Variants in KIF26B observed in about 807,000 individuals in gnomAD.
KIF26B encodes kinesin family member 26B.
Under a neutral mutation model 151.2 loss-of-function variants are expected in KIF26B, and 63 were observed. The ratio of observed to expected loss-of-function variants is 0.42; its 90% CI spans 0.34 to 0.51. The LOEUF (loss-of-function observed/expected upper bound fraction) is 0.51. KIF26B is among the 20% of genes least tolerant of loss of function. The pLI, the probability that KIF26B is intolerant of heterozygous loss-of-function variation, is 0.07. For synonymous variants in KIF26B, 1,357 were observed against 1,262.1 expected, an observed-to-expected ratio of 1.08 and a Z score of -1.59; for missense variants, 2,813 against 2,913.6, an observed-to-expected ratio of 0.97 and a Z score of 0.79.
At chr1:245,214,821 C>T (rs538600958) in intron 2 of KIF26B, among the ~76,000 whole-genome samples, 1 of 152,188 alleles carries the variant, frequency 6.6e-6, no homozygotes, top group Non-Finnish European at 1.5e-5. Flanking sequence ...GCCTGGGTTA[C>T]AAGAGCAAAA....
chr1:245,521,292 G>A (rs5006105), intron 4 of KIF26B, among the ~76,000 whole-genome samples: 57 of 100,810 alleles, frequency 5.7e-4, no homozygotes, highest in South Asian at 4.9e-3. Flanking sequence ...AGCCGAGATC[G>A]CACCACTGCA....
At chr1:245,181,814 AAGG>A (rs1225381716) in intron 2 of KIF26B, among the ~76,000 whole-genome samples, 1 of 152,112 alleles carries the variant, frequency 6.6e-6, no homozygotes, top group Non-Finnish European at 1.5e-5. Context: ...GAGACAGAAA[AAGG>A]AGGCAGGGAC....
At chr1:245,393,534 A>G (rs1271071471) in intron 3 of KIF26B, among the ~76,000 whole-genome samples, 10 of 151,842 alleles carry the variant, frequency 6.6e-5, no homozygotes, top group Admixed American at 6.6e-4. Flanking sequence ...TGGCTGACTG[A>G]TTGTAATTTG....
At chr1:245,397,109 G>A (rs537504587) in intron 3 of KIF26B, among the ~76,000 whole-genome samples, 49 of 151,092 alleles carry the variant, frequency 3.2e-4, no homozygotes, top group Non-Finnish European at 6.3e-4. Flanking sequence ...ATAGGCATGC[G>A]CCACCACGCC....
chr1:245,203,658 G>A (rs1669344852), intron 2 of KIF26B, among the ~76,000 whole-genome samples: 2 of 152,174 alleles, frequency 1.3e-5, no homozygotes, highest in African/African-American at 4.8e-5. Context: ...TCAGGAAGTG[G>A]ACTTTTACAT....
chr1:245,374,173 A>C (rs1673217496), intron 3 of KIF26B, among the ~76,000 whole-genome samples: 1 of 127,150 alleles, frequency 7.9e-6, no homozygotes, highest in South Asian at 2.8e-4. Context: ...CACCAACCTC[A>C]ACATATATCA....
rs375047412 is a variant in KIF26B, at chr1:245,652,532, A to G, written c.2258+6252A>G. Among the ~76,000 whole-genome samples, 4 of 152,288 alleles carry G rather than the reference A, an allele frequency of 2.6e-5. No individual in the cohort carries two copies. The South Asian group carries it at 8.3e-4, about 32-fold the overall frequency. On this transcript the variant is annotated intron_variant, in intron 10 of 14. Coordinates refer to ENST00000407071, the MANE Select transcript of KIF26B (RefSeq NM_018012.4). Reference sequence around the variant, plus strand: ...TAGCGGTATCTTCATATTTAGCTATAGAAATCTCGAGAGATTGTTATTATT... The same window carrying G: ...TAGCGGTATCTTCATATTTAGCTATGGAAATCTCGAGAGATTGTTATTATT...
intron 9 of KIF26B, among the ~76,000 whole-genome samples, chr1:245,637,297 C>T (rs1036475124): frequency 1.3e-5 from 2 of 152,018 alleles, no homozygotes; most frequent in East Asian, 1.9e-4. Flanking sequence ...TACCTCTTGG[C>T]CACTTGTGTG....
chr1:245,522,120 T>C (rs151144489), intron 4 of KIF26B, among the ~76,000 whole-genome samples: 1,753 of 152,058 alleles, frequency 0.012, 45 homozygotes, highest in South Asian at 0.046. Flanking sequence ...CTGCCCGCCT[T>C]GGCCTCCCAA....
intron 2 of KIF26B, among the ~76,000 whole-genome samples, chr1:245,311,462 G>A (rs73130831): frequency 0.036 from 5,500 of 152,182 alleles, 333 homozygotes; most frequent in African/African-American, 0.12. Flanking sequence ...CTGCAGCCGG[G>A]TATGGTGGTT....
At chr1:245,500,169 GGT>G (rs1222922200) in intron 4 of KIF26B, among the ~76,000 whole-genome samples, 2 of 152,114 alleles carry the variant, frequency 1.3e-5, no homozygotes, top group African/African-American at 4.8e-5. Context: ...AATTTCTTTG[GGT>G]GAAAGCTGTC....
intron 2 of KIF26B, among the ~76,000 whole-genome samples, chr1:245,173,921 G>C (rs1668758794): frequency 6.6e-6 from 1 of 152,156 alleles, no homozygotes. Context: ...GTGCAAGACA[G>C]CTCTTTTATT....
chr1:245,641,266 T>C lies in KIF26B; in HGVS notation c.2099-4855T>C, dbSNP rs1015781200. Among the ~76,000 whole-genome samples the C allele has an allele frequency of 1.3e-4, 18 of 141,920 alleles. 1 individual carries two copies. The highest frequency in any genetic ancestry group is 9.8e-4 in the Admixed American group (14 of 14,280). The allele number at this position is 141,920 out of a possible 152,430, so 93.1% of individuals were successfully genotyped here. ...CTCTCTCACTGTTTTTAGGACCCTC[T>C]TTGCCTTTGACCTTTGTGAGTTTAA... On this transcript the variant is annotated intron_variant, in intron 9 of 14. Coordinates refer to ENST00000407071, the MANE Select transcript of KIF26B (RefSeq NM_018012.4).
At chr1:245,556,102 T>G (rs1662017862) in intron 5 of KIF26B, among the ~76,000 whole-genome samples, 1 of 152,196 alleles carries the variant, frequency 6.6e-6, no homozygotes, top group Non-Finnish European at 1.5e-5. Context: ...GTGGACAGTC[T>G]TACGTCTGCC....
intron 2 of KIF26B, among the ~76,000 whole-genome samples, chr1:245,304,479 C>G (rs888008654): frequency 6.6e-6 from 1 of 152,170 alleles, no homozygotes; most frequent in Non-Finnish European, 1.5e-5. Context: ...GCTCTTGAAT[C>G]GTCAGAAATA....
chr1:245,342,271 C>A (rs994390831), intron 2 of KIF26B, among the ~76,000 whole-genome samples: 1 of 152,180 alleles, frequency 6.6e-6, no homozygotes, highest in South Asian at 2.1e-4. Flanking sequence ...ATTTCAAGAC[C>A]AGCAACCATT....
chr1:245,622,949 T>C (rs545878369), intron 9 of KIF26B, among the ~76,000 whole-genome samples: 1 of 151,416 alleles, frequency 6.6e-6, no homozygotes, highest in Admixed American at 6.6e-5. Flanking sequence ...CCGCAGGATG[T>C]AGTTGAGAGC....
rs200571471 is a variant in KIF26B, at chr1:245,698,220, C to A, written c.5939C>A (p.Pro1980Gln). 1.2e-6 allele frequency: 2 copies of A among 1,613,984 alleles called. No homozygotes were observed. The highest frequency in any genetic ancestry group is 1.1e-5 in the South Asian group (1 of 91,084). The change falls in exon 13 of 15, where the codon CCG (proline) becomes CAG (glutamine). Residue 1980 changes from proline (P) to glutamine (Q), a missense_variant. Pro to Gln is a moderately conservative substitution (Grantham distance 76). This residue lies in a region of KIF26B where 2,060 missense variants were observed against 2,088.6 expected (regional missense o/e 0.99). Coordinates refer to ENST00000407071, the MANE Select transcript of KIF26B (RefSeq NM_018012.4). This position sits in a 1 kb window ranked among gnomAD's most constrained non-coding sequence, Gnocchi z 4.0. ...RWVDGPLRSS[P>Q]RGLGEPFEIK... is the part of the protein sequence containing the mutation. ...GTGGATGGCCCCTTGCGGAGCAGCCCGAGGGGCCTTGGGGAACCCTTTGAG... is the reference window on the plus strand; with the variant it reads ...GTGGATGGCCCCTTGCGGAGCAGCCAGAGGGGCCTTGGGGAACCCTTTGAG...
intron 5 of KIF26B, among the ~76,000 whole-genome samples, chr1:245,570,942 A>G (rs1355782344): frequency 6.6e-6 from 1 of 152,250 alleles, no homozygotes; most frequent in African/African-American, 2.4e-5. Flanking sequence ...CCTTCCAGAT[A>G]TCATCAAATC....
Sources: allele counts gnomAD v4.1 joint callset (sites outside exome capture counted in the v4.1 genomes callset), GRCh38; gene constraint gnomAD v4.1.1; regional missense constraint gnomAD v4.1.1; non-coding constraint Gnocchi (gnomAD v3.1); transcripts MANE v1.5; gene names NCBI Gene and HGNC (gene_info 2026-07-23, HGNC 2026-07-21).